TTF1: variants seen among roughly 807,000 people sequenced by gnomAD.
TTF1 encodes the protein transcription termination factor 1.
TTF1 carries 64 observed loss-of-function variants against 80.2 expected under a neutral mutation model. That is an observed-to-expected ratio of 0.80 (90% CI 0.65 to 0.98). The LOEUF is 0.98. TTF1 is among the 50% of genes least tolerant of loss of function. The probability of loss-of-function intolerance (pLI) is 0.00; values close to 1 mark genes in which losing one functional copy is unlikely to be tolerated. For missense variants in TTF1, 1,023 were observed against 1,086.2 expected (o/e 0.94, Z 0.82); for synonymous variants, 372 against 382.7 (o/e 0.97, Z 0.33).
In TTF1 at chr9:132,378,646, G is replaced by GGTGT. The variant is rs1314545811; in HGVS notation, c.2464+409_2464+412dup. Among the ~76,000 whole-genome samples the GGTGT allele has an allele frequency of 5.3e-4, 74 of 139,638 alleles. 1 individual carries two copies. Among genetic ancestry groups the GGTGT allele is most frequent in the African/African-American group, 2.0e-3 (71 of 36,086 alleles). The allele number at this position is 139,638 out of a possible 152,430, so 91.6% of individuals were successfully genotyped here. A position where few individuals can be genotyped will look rare whatever the true frequency, so the allele number is the denominator to read the frequency against. On this transcript the variant is annotated intron_variant, in intron 10 of 10. Coordinates refer to ENST00000334270, the MANE Select transcript of TTF1 (RefSeq NM_007344.4). ...GCATGTGGTTGGTGTGAGTGCATGT[G>GGTGT]GTGTGAGTGCATACGTGTGTGAGTG... is the stretch of plus-strand genomic sequence containing the variant.
rs145667510 is a variant in TTF1, at chr9:132,377,487, GGT to G, written c.2465-1321_2465-1320del. On this transcript the variant is annotated intron_variant, in intron 10 of 10. Coordinates refer to ENST00000334270, the MANE Select transcript of TTF1 (RefSeq NM_007344.4). ...GCATGTGGTGTGTGTGAATGCATGT[GGT>G]GTGTGTGAGTGCATGCATGTGGTGT... 1.2e-4 allele frequency among the ~76,000 whole-genome samples: 10 copies of G among 84,986 alleles called. 1 individual carries two copies. Among genetic ancestry groups the G allele is most frequent in the African/African-American group, 2.0e-4 (4 of 20,366 alleles). 55.8% of individuals were successfully genotyped at this position (84,986 alleles called of 152,430 possible).
chr9:132,386,861 C>G (rs1849476972), intron 8 of TTF1, among the ~76,000 whole-genome samples: 1 of 152,212 alleles, frequency 6.6e-6, no homozygotes, highest in South Asian at 2.1e-4. Flanking sequence ...CTTTGTTTCT[C>G]TCAACAAACC....
intron 10 of TTF1, among the ~76,000 whole-genome samples, chr9:132,377,917 TGA>T (rs1849257729): frequency 8.3e-6 from 1 of 120,170 alleles, no homozygotes; most frequent in South Asian, 2.9e-4. Context: ...CATGTGTGTG[TGA>T]GTGCATGTGG....
chr9:132,401,620 C>T lies in TTF1; in HGVS notation c.1202G>A (p.Arg401Gln), dbSNP rs3739916. The change falls in exon 2 of 11, where the codon CGA becomes CAA. Residue 401 changes from arginine to glutamine, a missense_variant. Coordinates refer to ENST00000334270, the MANE Select transcript of TTF1 (RefSeq NM_007344.4). ...KRKLTSVKRARVSGDDFSVPS... is the reference protein window; with the variant it reads ...KRKLTSVKRAQVSGDDFSVPS... ...CACTGAAAAATCATCACCAGACACT[C>T]GTGCCCTTTTGACAGACGTAAGCTT... The T allele has an allele frequency of 0.062, 100,574 of 1,614,136 alleles. 3,343 individuals are homozygous for T. The highest frequency in any genetic ancestry group is 0.083 in the Middle Eastern group (505 of 6,062).
chr9:132,389,277 G>C (rs1849521246), intron 7 of TTF1, among the ~76,000 whole-genome samples: 1 of 151,216 alleles, frequency 6.6e-6, no homozygotes, highest in Non-Finnish European at 1.5e-5. Context: ...CCGCCTCTTG[G>C]GTTCAAGCAA....
intron 8 of TTF1, among the ~76,000 whole-genome samples, chr9:132,387,926 G>C (rs1589819511): frequency 2.0e-5 from 3 of 152,222 alleles, no homozygotes; most frequent in Non-Finnish European, 4.4e-5. Flanking sequence ...AAAGCACTAA[G>C]AGCTAGGTAC....
At chr9:132,395,051 G>A (rs1276177517) in intron 5 of TTF1, among the ~76,000 whole-genome samples, 2 of 151,980 alleles carry the variant, frequency 1.3e-5, no homozygotes, top group African/African-American at 2.4e-5. Context: ...AATTAGCCGG[G>A]CGTGGTGGTG....
intron 9 of TTF1, among the ~76,000 whole-genome samples, chr9:132,386,191 G>T (rs1849466880): frequency 6.6e-6 from 1 of 152,070 alleles, no homozygotes; most frequent in African/African-American, 2.4e-5. Flanking sequence ...GGAGGTGGGT[G>T]GGCCATAGGT....
At position 132,402,640 on chromosome 9, in the gene TTF1, T is replaced by C. The variant is rs1849788750; in HGVS notation, c.182A>G (p.His61Arg). The change falls in exon 2 of 11, where the codon CAT (histidine) becomes CGT (arginine). Residue 61 changes from histidine (H) to arginine (R), a missense_variant. His to Arg is a conservative substitution (Grantham distance 29). Coordinates refer to ENST00000334270, the MANE Select transcript of TTF1 (RefSeq NM_007344.4). Reference protein sequence around the residue: ...RRKKRKKDFQHLISSPLKKSR... With the variant: ...RRKKRKKDFQRLISSPLKKSR... ...TTTTTTCAAAGGAGAAGAAATGAGA[T>C]GCTGGAAATCTTTTTTCCTCTTTTT... 1 of 1,613,284 alleles carries C rather than the reference T, an allele frequency of 6.2e-7. No homozygotes were observed. The highest frequency in any genetic ancestry group is 8.5e-7 in the Non-Finnish European group (1 of 1,179,842).
intron 10 of TTF1, among the ~76,000 whole-genome samples, chr9:132,378,624 TGTG>T (rs1849303788): frequency 7.2e-6 from 1 of 139,718 alleles, no homozygotes; most frequent in Non-Finnish European, 1.5e-5. Flanking sequence ...TGTGAGTGCA[TGTG>T]GTTGGTGTGA....
intron 10 of TTF1, 105 bp downstream of exon 10, chr9:132,378,954 T>C (rs1849316270): frequency 5.2e-6 from 4 of 772,962 alleles, no homozygotes; most frequent in Non-Finnish European, 8.2e-6. Flanking sequence ...TTGCAGCTGA[T>C]GAAGCTGAGG....
At chr9:132,379,470 C>T (rs1849329646) in intron 9 of TTF1, among the ~76,000 whole-genome samples, 1 of 152,182 alleles carries the variant, frequency 6.6e-6, no homozygotes, top group Admixed American at 6.5e-5. Flanking sequence ...CTGATGCTTA[C>T]CTTGTGCTCA....
At chr9:132,388,610 G>A (rs901845793) in intron 7 of TTF1, among the ~76,000 whole-genome samples, 1 of 152,086 alleles carries the variant, frequency 6.6e-6, no homozygotes, top group African/African-American at 2.4e-5. Context: ...CAAAGTGCTG[G>A]GATTACAGAC....
chr9:132,401,677 G>T lies in TTF1; in HGVS notation c.1145C>A (p.Ser382Tyr). Residue 382 changes from serine to tyrosine, a missense_variant, in exon 2 of 11, where the codon TCC becomes TAC. Coordinates refer to ENST00000334270, the MANE Select transcript of TTF1 (RefSeq NM_007344.4). ...CTTAGACTTCTTCTTTGTACTGTTG[G>T]ATTCCTTGAACCCTTTAAGAGCTGT... ...GSTALKGFKE[S>Y]NSTKKKSKKR... 5.0e-6 allele frequency: 8 copies of T among 1,614,136 alleles called. No homozygotes were observed. The highest frequency in any genetic ancestry group is 6.8e-6 in the Non-Finnish European group (8 of 1,180,032).
intron 9 of TTF1, among the ~76,000 whole-genome samples, chr9:132,385,657 CTCTA>C (rs1319649974): frequency 9.2e-5 from 14 of 152,208 alleles, no homozygotes; most frequent in Admixed American, 8.5e-4. Flanking sequence ...TCCCTAACCA[CTCTA>C]TCTGATTGCC....
chr9:132,375,927 C>T lies in TTF1; in HGVS notation c.2706G>A (p.Arg902=). 1 of 1,585,222 alleles carries T rather than the reference C, an allele frequency of 6.3e-7. No individual in the cohort carries two copies. The highest frequency in any genetic ancestry group is 8.6e-7 in the Non-Finnish European group (1 of 1,163,006). ...CGAACTCCTGACCTCAGATGATCCACCGGCCTTGGCCTCCCAAAGTACTGG... is the reference window on the plus strand; with the variant it reads ...CGAACTCCTGACCTCAGATGATCCATCGGCCTTGGCCTCCCAAAGTACTGG... ...CNSSTLGGQG[R]WII is the part of the protein sequence containing the mutation. The change falls in exon 11 of 11, where the codon CGG becomes CGA. Residue 902 remains arginine, a synonymous_variant. Coordinates refer to ENST00000334270, the MANE Select transcript of TTF1 (RefSeq NM_007344.4).
intron 10 of TTF1, among the ~76,000 whole-genome samples, chr9:132,378,299 TGTG>T (rs369783316): frequency 3.2e-4 from 42 of 131,272 alleles, no homozygotes; most frequent in East Asian, 3.2e-3. Context: ...GGTGAGTGCA[TGTG>T]GTGTGTGTGA....
At chr9:132,406,600 C>A (rs1849872231) in intron 1 of TTF1, among the ~76,000 whole-genome samples, 190 bp downstream of exon 1, 2 of 65,948 alleles carry the variant, frequency 3.0e-5, no homozygotes, top group South Asian at 4.6e-4. Context: ...AAAACTCCAT[C>A]TTTAAAAAAA....
chr9:132,390,790 G>C lies in TTF1; in HGVS notation c.2029C>G (p.Leu677Val). ...ATCACTTCTTCGACAGCCTTGATTA[G>C]TTTCCGGGTTTCAGACTTACTCCAA... Reference protein sequence around the residue: ...GAWSKSETRKLIKAVEEVILK... With the variant: ...GAWSKSETRKVIKAVEEVILK... Residue 677 changes from leucine (L) to valine (V), a missense_variant, in exon 7 of 11, where the codon CTA (leucine) becomes GTA (valine). Leu to Val is a conservative substitution (Grantham distance 32). Transcript: ENST00000334270. The C allele has an allele frequency of 6.2e-7, 1 of 1,614,150 alleles. No homozygotes were observed. The highest frequency in any genetic ancestry group is 8.5e-7 in the Non-Finnish European group (1 of 1,180,018).
Sources: gnomAD v4.1 joint callset for allele counts (sites outside exome capture counted in the v4.1 genomes callset) on GRCh38, gnomAD v4.1.1 for gene constraint, MANE v1.5 for transcripts, NCBI Gene and HGNC (gene_info 2026-07-23, HGNC 2026-07-21) for gene names.